Variants in SLCO3A1 observed in about 807,000 individuals in gnomAD.
SLCO3A1 encodes solute carrier organic anion transporter family member 3A1.
SLCO3A1 carries 27 observed loss-of-function variants against 63.1 expected under a neutral mutation model. That is an observed-to-expected ratio of 0.43 (90% confidence interval 0.32 to 0.59). SLCO3A1 has a LOEUF of 0.59. Ranked by LOEUF, SLCO3A1 falls within the 20% of genes least tolerant of loss-of-function variation. The pLI is 0.09. For synonymous variants in SLCO3A1, 473 were observed against 409.9 expected, an observed-to-expected ratio of 1.15 and a Z score of -1.86; for missense variants, 773 against 945.8, an observed-to-expected ratio of 0.82 and a Z score of 2.40.
chr15:92,014,404 G>T (rs148778447), intron 2 of SLCO3A1, among the ~76,000 whole-genome samples: 1 of 152,140 alleles, frequency 6.6e-6, no homozygotes, highest in Non-Finnish European at 1.5e-5. Context: ...AGAATGCCCC[G>T]TGATTAGGGT....
chr15:92,039,612 T>C lies in SLCO3A1; in HGVS notation c.647-55269T>C, dbSNP rs1025583454. Among the ~76,000 whole-genome samples the C allele has an allele frequency of 3.9e-5, 6 of 152,322 alleles. No individual in the cohort carries two copies. In the East Asian group the frequency reaches 1.2e-3, roughly 29 times the overall value. On this transcript the variant is annotated intron_variant, in intron 2 of 9. Coordinates refer to ENST00000318445, the MANE Select transcript of SLCO3A1 (RefSeq NM_013272.4). Reference sequence around the variant, plus strand: ...GAGAAATAGTAACACTTTTACACTGTTGGTGGGAATGTAAATTAGTTCAAC... The same window carrying C: ...GAGAAATAGTAACACTTTTACACTGCTGGTGGGAATGTAAATTAGTTCAAC...
rs183333348 is a variant in SLCO3A1 at position 91,859,574 on chromosome 15, G to C, written c.180+5486G>C. 6.6e-6 allele frequency among the ~76,000 whole-genome samples: 1 copy of C among 152,328 alleles called. No homozygotes were observed. Among genetic ancestry groups the C allele is most frequent in the East Asian group, 1.9e-4 (1 of 5,184 alleles). The stretch of plus-strand genomic sequence containing the variant: ...GCTGTCGCTTATTCGATGAGTGTTA[G>C]AAGACTGGGATTCATGCCTATGTCC... On this transcript the variant is annotated intron_variant, in intron 1 of 9. Transcript: ENST00000318445. This position sits in a 1 kb window ranked among gnomAD's most constrained non-coding sequence, Gnocchi z 5.1.
Position 91,916,044 on chromosome 15 carries a change from G to T in SLCO3A1, c.232G>T (p.Val78Leu). 2 of 1,613,464 alleles carry T rather than the reference G, an allele frequency of 1.2e-6. No individual in the cohort carries two copies. Among genetic ancestry groups the T allele is most frequent in the South Asian group, 2.2e-5 (2 of 91,056 alleles). Residue 78 changes from valine to leucine, a missense_variant, in exon 2 of 10, where the codon GTG (valine) becomes TTG (leucine). Around this residue, in one of 3 missense-constraint regions of SLCO3A1, gnomAD observed 565 missense variants for 749.8 expected, o/e 0.75. Transcript: ENST00000318445. The surrounding 1 kb of genome is among the most constrained non-coding windows in gnomAD (Gnocchi z 6.2). Reference protein sequence around the residue: ...ERRFNLQSADVGVIASSFEIG... With the variant: ...ERRFNLQSADLGVIASSFEIG... ...TAGGTTCAACCTGCAGAGCGCTGAC[G>T]TGGGTGTGATCGCTAGCAGCTTCGA...
intron 2 of SLCO3A1, among the ~76,000 whole-genome samples, chr15:92,084,419 T>G (rs531459764): frequency 1.3e-5 from 2 of 152,176 alleles, no homozygotes; most frequent in South Asian, 4.1e-4. Flanking sequence ...ATTGTTGTCA[T>G]CCCATTTTAC....
intron 7 of SLCO3A1, among the ~76,000 whole-genome samples, chr15:92,146,590 G>A (rs2048226821): frequency 6.6e-6 from 1 of 152,112 alleles, no homozygotes; most frequent in Non-Finnish European, 1.5e-5. Context: ...ATACACTTCA[G>A]TGTAATTATA....
chr15:92,001,067 A>C (rs1011132352), intron 2 of SLCO3A1, among the ~76,000 whole-genome samples: 1 of 152,170 alleles, frequency 6.6e-6, no homozygotes, highest in South Asian at 2.1e-4. Flanking sequence ...CCCAGCTTGC[A>C]TACCTCATTT....
intron 2 of SLCO3A1, among the ~76,000 whole-genome samples, chr15:92,093,745 A>G (rs2047505479): frequency 6.6e-6 from 1 of 152,190 alleles, no homozygotes; most frequent in Non-Finnish European, 1.5e-5. Flanking sequence ...AACTTGACTG[A>G]ATGGATGAAT....
chr15:91,971,031 C>A (rs1900840351), intron 2 of SLCO3A1, among the ~76,000 whole-genome samples: 1 of 152,096 alleles, frequency 6.6e-6, no homozygotes, highest in African/African-American at 2.4e-5. Flanking sequence ...ACTCACGGCA[C>A]CTTTGAAGAC....
chr15:92,013,515 G>A (rs541210128), intron 2 of SLCO3A1, among the ~76,000 whole-genome samples: 2 of 152,184 alleles, frequency 1.3e-5, no homozygotes, highest in African/African-American at 2.4e-5. Context: ...ATGTGCCCGA[G>A]GAGCACAGCA....
At chr15:91,891,716 C>T (rs776119545) in intron 1 of SLCO3A1, among the ~76,000 whole-genome samples, 12 of 152,202 alleles carry the variant, frequency 7.9e-5, no homozygotes, top group East Asian at 1.9e-4. Context: ...TAAGTTAACA[C>T]GCAGCTTCAC....
chr15:92,167,349 C>T (rs529016914), downstream of SLCO3A1, among the ~76,000 whole-genome samples: 4 of 152,318 alleles, frequency 2.6e-5, no homozygotes, highest in South Asian at 2.1e-4. Flanking sequence ...GACCGTTCCC[C>T]CTTAGGTTAG....
intron 4 of SLCO3A1, among the ~76,000 whole-genome samples, chr15:92,116,874 C>A (rs1261749437): frequency 6.6e-6 from 1 of 151,966 alleles, no homozygotes; most frequent in Non-Finnish European, 1.5e-5. Context: ...TTTCTGGAGG[C>A]AAGTTGCCTT....
chr15:91,971,310 G>A (rs1332037028), intron 2 of SLCO3A1, among the ~76,000 whole-genome samples: 3 of 149,000 alleles, frequency 2.0e-5, no homozygotes, highest in East Asian at 4.0e-4. Context: ...CAGGACAATG[G>A]GGTGAACCCG....
chr15:91,907,318 G>A lies in SLCO3A1; in HGVS notation c.181-8675G>A, dbSNP rs576063663. 2.6e-5 allele frequency among the ~76,000 whole-genome samples: 4 copies of A among 152,032 alleles called. No homozygotes were observed. The East Asian group carries it at 7.8e-4, about 30-fold the overall frequency. ...CCACTGGGGTTCAAGCAATTCTCCTGCCTCAGCCTCCCGAGTAGCTGGGAT... is the reference window on the plus strand; with the variant it reads ...CCACTGGGGTTCAAGCAATTCTCCTACCTCAGCCTCCCGAGTAGCTGGGAT... On this transcript the variant is annotated intron_variant, in intron 1 of 9. Transcript: ENST00000318445.
intron 2 of SLCO3A1, among the ~76,000 whole-genome samples, chr15:91,970,600 G>A (rs1055324604): frequency 2.6e-5 from 4 of 152,296 alleles, no homozygotes; most frequent in Admixed American, 6.5e-5. Context: ...GGACTCACAA[G>A]GAGCCCTAAT....
chr15:91,947,431 A>G (rs72754005), intron 2 of SLCO3A1, among the ~76,000 whole-genome samples: 9,120 of 152,262 alleles, frequency 0.06, 389 homozygotes, highest in Non-Finnish European at 0.09. Context: ...CTTCTCACTC[A>G]GGTGGTGCTT....
chr15:92,131,241 C>T (rs532897523), intron 7 of SLCO3A1, among the ~76,000 whole-genome samples: 132 of 152,154 alleles, frequency 8.7e-4, no homozygotes, highest in Non-Finnish European at 1.5e-3. Context: ...CTGTACCTCC[C>T]CTAAGAGGTC....
In SLCO3A1 at chr15:91,862,737, A is replaced by G. The variant is rs951908993; in HGVS notation, c.180+8649A>G. Reference sequence around the variant, plus strand: ...TAGAAGGCAAACTAAATCCCTGCTCACAAAACTACAGGAATTTGAGGGAGT... The same window carrying G: ...TAGAAGGCAAACTAAATCCCTGCTCGCAAAACTACAGGAATTTGAGGGAGT... On this transcript the variant is annotated intron_variant, in intron 1 of 9. Transcript: ENST00000318445. The surrounding 1 kb of genome is among the most constrained non-coding windows in gnomAD (Gnocchi z 4.0). Among the ~76,000 whole-genome samples the G allele has an allele frequency of 2.0e-5, 3 of 152,258 alleles. No homozygotes were observed. Among genetic ancestry groups the G allele is most frequent in the Non-Finnish European group, 4.4e-5 (3 of 68,048 alleles).
At chr15:91,981,419 C>T (rs1425398360) in intron 2 of SLCO3A1, among the ~76,000 whole-genome samples, 2 of 152,118 alleles carry the variant, frequency 1.3e-5, no homozygotes, top group Non-Finnish European at 2.9e-5. Context: ...CGCTTCATGC[C>T]CTTTATGCTC....
Sources: gnomAD v4.1 joint callset for allele counts (sites outside exome capture counted in the v4.1 genomes callset) on GRCh38, gnomAD v4.1.1 for gene constraint, gnomAD v4.1.1 regional missense constraint, Gnocchi (gnomAD v3.1) non-coding constraint, MANE v1.5 for transcripts, NCBI Gene and HGNC (gene_info 2026-07-23, HGNC 2026-07-21) for gene names.